The following SAMTOR variants were observed in gnomAD, a reference collection of about 807,000 sequenced individuals.
The protein encoded by SAMTOR is S-adenosylmethionine sensor upstream of mTORC1, also known as UPF0532 protein C7orf60.
At chr7:112,919,754 TG>T in the SAMTOR span, among the ~76,000 whole-genome samples, 1 of 151,464 alleles carries the variant, frequency 6.6e-6, no homozygotes, top group Non-Finnish European at 1.5e-5. Flanking sequence ...CAATAAAAAA[TG>T]ATAAAGGGGA....
chr7:112,921,454 G>A, the SAMTOR span, among the ~76,000 whole-genome samples: 14 of 151,374 alleles, frequency 9.2e-5, no homozygotes, highest in Non-Finnish European at 2.1e-4. Flanking sequence ...ATTCAAGATG[G>A]ATTAAAGACT....
At chr7:112,846,145 C>CTTTTTTTTTTTTTTTTTT in the SAMTOR span, among the ~76,000 whole-genome samples, 1 of 129,004 alleles carries the variant, frequency 7.8e-6, no homozygotes, top group African/African-American at 3.0e-5. Flanking sequence ...ATCTGTACAA[C>CTTTTTTTTTTTTTTTTTT]TTTTTTTTTT....
the SAMTOR span, among the ~76,000 whole-genome samples, chr7:112,870,215 T>G: frequency 6.6e-6 from 1 of 152,086 alleles, no homozygotes; most frequent in Admixed American, 6.5e-5. Context: ...TGTGAGATAC[T>G]AGACAAAATG....
the SAMTOR span, among the ~76,000 whole-genome samples, chr7:112,859,640 C>T: frequency 1.3e-5 from 2 of 151,758 alleles, no homozygotes; most frequent in Admixed American, 6.6e-5. Flanking sequence ...TTAATGGTCC[C>T]GACCCTGTGT....
At chr7:112,860,755 CA>C in the SAMTOR span, among the ~76,000 whole-genome samples, 1 of 151,246 alleles carries the variant, frequency 6.6e-6, no homozygotes, top group Non-Finnish European at 1.5e-5. Flanking sequence ...TAAAAAAATA[CA>C]AAAAAATTAG....
At chr7:112,916,807 G>A in the SAMTOR span, among the ~76,000 whole-genome samples, 16,674 of 152,264 alleles carry the variant, frequency 0.11, 1,228 homozygotes, top group Middle Eastern at 0.32. Context: ...CACCTGACTC[G>A]GAGGGTCCTA....
chr7:112,836,735 C>T, the SAMTOR span, among the ~76,000 whole-genome samples: 3 of 151,910 alleles, frequency 2.0e-5, no homozygotes, highest in Admixed American at 2.0e-4. Flanking sequence ...CTTTTGTCAA[C>T]TTTATCGAAG....
the SAMTOR span, among the ~76,000 whole-genome samples, chr7:112,869,061 C>T: frequency 4.6e-5 from 7 of 152,240 alleles, no homozygotes; most frequent in Admixed American, 2.0e-4. Flanking sequence ...GAAGGAGGAA[C>T]GTGGCCTGCC....
At chr7:112,897,873 A>G in the SAMTOR span, among the ~76,000 whole-genome samples, 1 of 152,216 alleles carries the variant, frequency 6.6e-6, no homozygotes, top group Admixed American at 6.5e-5. Context: ...CAGTTAAGAG[A>G]TCACAGTTCC....
the SAMTOR span, among the ~76,000 whole-genome samples, chr7:112,911,960 CA>C: frequency 4.6e-5 from 7 of 151,140 alleles, no homozygotes; most frequent in East Asian, 1.9e-4. Context: ...AACAAACAAA[CA>C]AAAAAACCAA....
chr7:112,892,146 A>G, the SAMTOR span, among the ~76,000 whole-genome samples: 13 of 152,190 alleles, frequency 8.5e-5, no homozygotes, highest in Non-Finnish European at 1.6e-4. Flanking sequence ...CCATCTCAAA[A>G]AGACACTTCC....
At chr7:112,872,286 G>C in the SAMTOR span, among the ~76,000 whole-genome samples, 1 of 152,100 alleles carries the variant, frequency 6.6e-6, no homozygotes, top group African/African-American at 2.4e-5. Context: ...TCATGATTAA[G>C]TAGGCCTTAT....
At chr7:112,865,358 A>C in the SAMTOR span, among the ~76,000 whole-genome samples, 1 of 151,754 alleles carries the variant, frequency 6.6e-6, no homozygotes, top group Non-Finnish European at 1.5e-5. Context: ...GCTCACTGCA[A>C]CCTCTGCCTC....
the SAMTOR span, among the ~76,000 whole-genome samples, chr7:112,910,514 A>C: frequency 2.0e-5 from 3 of 152,194 alleles, no homozygotes; most frequent in Non-Finnish European, 2.9e-5. Context: ...AGGAAAGAGG[A>C]TTGATCCACA....
chr7:112,849,369 CTATCTT>C, the SAMTOR span, among the ~76,000 whole-genome samples: 1 of 152,174 alleles, frequency 6.6e-6, no homozygotes, highest in African/African-American at 2.4e-5. Context: ...AGAGCTCTCT[CTATCTT>C]TACCTACACT....
the SAMTOR span, chr7:112,821,800 G>T: frequency 6.2e-7 from 1 of 1,613,260 alleles, no homozygotes; most frequent in Non-Finnish European, 8.5e-7. Context: ...GAGCTGGCTT[G>T]ACTTTCTCCA....
the SAMTOR span, among the ~76,000 whole-genome samples, chr7:112,825,892 G>C: frequency 6.7e-6 from 1 of 149,286 alleles, no homozygotes; most frequent in Non-Finnish European, 1.5e-5. Flanking sequence ...TCCAGATGTT[G>C]AATTTTGTCA....
At chr7:112,890,077 A>T in the SAMTOR span, among the ~76,000 whole-genome samples, 1 of 152,138 alleles carries the variant, frequency 6.6e-6, no homozygotes, top group Non-Finnish European at 1.5e-5. Context: ...AATGAGATAG[A>T]TATAGAGGAG....
the SAMTOR span, among the ~76,000 whole-genome samples, chr7:112,907,838 C>CTTAT: frequency 0.029 from 3,436 of 118,838 alleles, 49 homozygotes; most frequent in Admixed American, 0.037. Context: ...GGTATTCTTA[C>CTTAT]TTACTTATTT....
Sources: gnomAD v4.1 joint callset for allele counts (sites outside exome capture counted in the v4.1 genomes callset) on GRCh38, gnomAD v4.1.1 for gene constraint, MANE v1.5 for transcripts, NCBI Gene and HGNC (gene_info 2026-07-23, HGNC 2026-07-21) for gene names.